RANBP2: variants seen among roughly 807,000 people sequenced by gnomAD.
The protein encoded by RANBP2 is RAN binding protein 2.
In RANBP2, 57 loss-of-function variants were observed where a neutral mutation model predicts 303.6. That is an observed-to-expected ratio of 0.19 (90% CI 0.15 to 0.23). The LOEUF (loss-of-function observed/expected upper bound fraction) is 0.23. Ranked by LOEUF, RANBP2 falls within the 10% of genes least tolerant of loss-of-function variation. The pLI is 1.00. For missense variants in RANBP2, 3,138 were observed against 3,780.8 expected, an observed-to-expected ratio of 0.83 and a Z score of 4.46; for synonymous variants, 1,167 against 1,301.5, an observed-to-expected ratio of 0.90 and a Z score of 2.23.
At chr2:108,998,944 C>T in the RANBP2 span, among the ~76,000 whole-genome samples, 2 of 152,220 alleles carry the variant, frequency 1.3e-5, no homozygotes, top group African/African-American at 4.8e-5. Context: ...TCACTGTCCC[C>T]AAGCTTGCTT....
chr2:109,398,584 A>T, the RANBP2 span: 2 of 1,546,696 alleles, frequency 1.3e-6, no homozygotes, highest in South Asian at 1.2e-5. Context: ...CCCCTTTCTC[A>T]CTCAGCTCAA....
the RANBP2 span, among the ~76,000 whole-genome samples, chr2:108,856,026 A>T: frequency 3.3e-3 from 496 of 152,322 alleles, 1 homozygote; most frequent in African/African-American, 0.011. Context: ...ACAAGGTAAG[A>T]CTGCTGTAAG....
chr2:109,398,675 A>C, the RANBP2 span: 5 of 1,609,134 alleles, frequency 3.1e-6, no homozygotes, highest in Non-Finnish European at 4.2e-6. Flanking sequence ...CTGCCCTCTG[A>C]CTCCGGCGCT....
chr2:109,304,564 C>T, the RANBP2 span, among the ~76,000 whole-genome samples: 167 of 152,286 alleles, frequency 1.1e-3, 1 homozygote, highest in Non-Finnish European at 1.9e-3. Flanking sequence ...TGGTTAACTC[C>T]GCTGCACCCG....
the RANBP2 span, among the ~76,000 whole-genome samples, chr2:109,512,187 G>A: frequency 6.6e-6 from 1 of 152,154 alleles, no homozygotes; most frequent in Non-Finnish European, 1.5e-5. Flanking sequence ...TCTGGCCTGG[G>A]ACCCTGGCCC....
chr2:109,183,233 A>G, the RANBP2 span, among the ~76,000 whole-genome samples: 1 of 152,212 alleles, frequency 6.6e-6, no homozygotes, highest in Non-Finnish European at 1.5e-5. Flanking sequence ...CTGATTCTCA[A>G]AAAGCACATC....
the RANBP2 span, among the ~76,000 whole-genome samples, chr2:109,233,825 C>T: frequency 1.3e-5 from 2 of 152,210 alleles, no homozygotes; most frequent in Admixed American, 6.5e-5. Context: ...TTGAGTCTGG[C>T]TTCTCTCACT....
At chr2:108,753,732 C>G (rs1408268712) in intron 14 of RANBP2, 93 bp from the exon 15 acceptor site, 9 of 1,604,608 alleles carry the variant, frequency 5.6e-6, no homozygotes, top group Admixed American at 3.4e-5. Context: ...TCCCGAGTAG[C>G]TGGGATTACA....
chr2:108,937,544 AGTGTGTGAATGTTATGT>A, the RANBP2 span, among the ~76,000 whole-genome samples: 2 of 151,156 alleles, frequency 1.3e-5, no homozygotes, highest in Admixed American at 6.6e-5. Flanking sequence ...TATGTGTGTG[AGTGTGTGAATGTTATGT>A]GTGTGTGTAT....
At chr2:109,641,728 T>A in the RANBP2 span, among the ~76,000 whole-genome samples, 1 of 145,526 alleles carries the variant, frequency 6.9e-6, no homozygotes, top group Non-Finnish European at 1.5e-5. Flanking sequence ...ACTTTTAATT[T>A]ACAGTTCTTG....
the RANBP2 span, among the ~76,000 whole-genome samples, chr2:109,078,542 G>C: frequency 6.7e-6 from 1 of 148,930 alleles, no homozygotes; most frequent in Non-Finnish European, 1.5e-5. Context: ...GGTGATGTTG[G>C]TCAAAGGATA....
At chr2:108,997,568 G>A in the RANBP2 span, among the ~76,000 whole-genome samples, 1 of 151,658 alleles carries the variant, frequency 6.6e-6, no homozygotes, top group Admixed American at 6.6e-5. Flanking sequence ...CTGGATATCT[G>A]GCCCTGGAGC....
At chr2:109,646,464 C>T in the RANBP2 span, among the ~76,000 whole-genome samples, 1 of 152,060 alleles carries the variant, frequency 6.6e-6, no homozygotes, top group African/African-American at 2.4e-5. Context: ...CTCCCCTGTA[C>T]TCATGTTTGC....
At chr2:109,458,878 C>A in the RANBP2 span, among the ~76,000 whole-genome samples, 2 of 152,216 alleles carry the variant, frequency 1.3e-5, no homozygotes, top group Non-Finnish European at 2.9e-5. Context: ...ATAGCAACAT[C>A]TAGATTAGTG....
the RANBP2 span, among the ~76,000 whole-genome samples, chr2:108,994,262 C>T: frequency 6.6e-6 from 1 of 152,198 alleles, no homozygotes; most frequent in African/African-American, 2.4e-5. Flanking sequence ...AGGAAAGCTT[C>T]AGGCCAGGAG....
At chr2:109,613,922 A>C in the RANBP2 span, 1 of 1,222,934 alleles carries the variant, frequency 8.2e-7, no homozygotes, top group Non-Finnish European at 1.0e-6. Context: ...GGGCAGAAGC[A>C]ACGGGCGGGG....
chr2:108,909,584 G>A, the RANBP2 span, among the ~76,000 whole-genome samples: 5 of 152,238 alleles, frequency 3.3e-5, no homozygotes, highest in South Asian at 2.1e-4. Flanking sequence ...CCTTCCAGGC[G>A]CAGCCTGCAG....
the RANBP2 span, among the ~76,000 whole-genome samples, chr2:109,367,766 C>T: frequency 6.6e-6 from 1 of 152,188 alleles, no homozygotes; most frequent in South Asian, 2.1e-4. Context: ...TGAATGTCTT[C>T]AGTAACAAAT....
At chr2:109,602,146 G>C in the RANBP2 span, among the ~76,000 whole-genome samples, 22 of 152,272 alleles carry the variant, frequency 1.4e-4, no homozygotes, top group Non-Finnish European at 2.9e-4. Context: ...GCTGATTTCC[G>C]TACTAAGTGG....
Sources: allele counts gnomAD v4.1 joint callset (sites outside exome capture counted in the v4.1 genomes callset), GRCh38; gene constraint gnomAD v4.1.1; transcripts MANE v1.5; gene names NCBI Gene and HGNC (gene_info 2026-07-23, HGNC 2026-07-21).